GRM5: variants seen among roughly 807,000 people sequenced by gnomAD.
GRM5 encodes the protein metabotropic glutamate receptor 5.
In GRM5, 19 loss-of-function variants were observed where a neutral mutation model predicts 83.1. The observed-to-expected ratio is 0.23, with a 90% CI of 0.16 to 0.34. The LOEUF (loss-of-function observed/expected upper bound fraction) is 0.34, where lower values mean the gene tolerates loss of function less well. GRM5 is among the 10% of genes least tolerant of loss of function. The pLI is 1.00. For synonymous variants in GRM5, 675 were observed against 633.6 expected (o/e 1.07, Z -0.98); for missense variants, 1,160 against 1,588.3 (o/e 0.73, Z 4.58).
chr11:88,636,274 G>T (rs150841699), intron 4 of GRM5, among the ~76,000 whole-genome samples: 3 of 152,326 alleles, frequency 2.0e-5, no homozygotes, highest in African/African-American at 7.2e-5. Flanking sequence ...CACTTTGGGA[G>T]GCCAAGGTGG....
At chr11:88,570,787 G>C (rs177824) in intron 7 of GRM5, among the ~76,000 whole-genome samples, 1 of 150,668 alleles carries the variant, frequency 6.6e-6, no homozygotes, top group Admixed American at 6.6e-5. Flanking sequence ...CAGGCTGGTC[G>C]AACTCCTTGC....
intron 3 of GRM5, among the ~76,000 whole-genome samples, chr11:88,803,717 G>C (rs1943444207): frequency 6.6e-6 from 1 of 152,060 alleles, no homozygotes; most frequent in African/African-American, 2.4e-5. Context: ...CTTCTACACA[G>C]CAAAAGAAAC....
chr11:88,688,165 G>T (rs1359918904), intron 3 of GRM5, among the ~76,000 whole-genome samples: 1 of 152,108 alleles, frequency 6.6e-6, no homozygotes, highest in Non-Finnish European at 1.5e-5. Context: ...GCTCTATAAA[G>T]ATCTTCCCTC....
chr11:88,562,165 C>T (rs957028710), intron 8 of GRM5, among the ~76,000 whole-genome samples: 3 of 152,074 alleles, frequency 2.0e-5, no homozygotes, highest in African/African-American at 7.2e-5. Context: ...AAAGAGTTAA[C>T]AAATAGATGA....
At chr11:88,671,795 A>G (rs573496091) in intron 3 of GRM5, among the ~76,000 whole-genome samples, 1 of 152,214 alleles carries the variant, frequency 6.6e-6, no homozygotes, top group African/African-American at 2.4e-5. Flanking sequence ...GCAAGCTGGA[A>G]CGTTGGGACC....
At chr11:88,755,137 T>C (rs1050337450) in intron 3 of GRM5, among the ~76,000 whole-genome samples, 1 of 152,050 alleles carries the variant, frequency 6.6e-6, no homozygotes, top group Non-Finnish European at 1.5e-5. Context: ...CTGAAGCAAA[T>C]GTGTATTTAG....
chr11:88,838,439 G>A (rs12802941), intron 3 of GRM5, among the ~76,000 whole-genome samples: 1 of 152,118 alleles, frequency 6.6e-6, no homozygotes, highest in Non-Finnish European at 1.5e-5. Context: ...TTGTCCTTCT[G>A]AAAGCTACCT....
intron 2 of GRM5, among the ~76,000 whole-genome samples, chr11:88,999,091 G>T (rs1214911938): frequency 5.3e-5 from 8 of 152,100 alleles, no homozygotes; most frequent in Admixed American, 2.6e-4. Context: ...ATCAATTCAA[G>T]ACGGATTAAA....
At chr11:88,952,105 AC>A (rs1469263666) in intron 2 of GRM5, among the ~76,000 whole-genome samples, 13 of 128,130 alleles carry the variant, frequency 1.0e-4, no homozygotes, top group Non-Finnish European at 1.0e-4. Context: ...GCTCTCTTCC[AC>A]CATGTGCACA....
intron 3 of GRM5, among the ~76,000 whole-genome samples, chr11:88,793,432 A>G (rs1454431462): frequency 6.6e-6 from 1 of 152,194 alleles, no homozygotes; most frequent in Non-Finnish European, 1.5e-5. Context: ...GTTTAAAAAC[A>G]TGGGAATAAC....
chr11:89,018,610 T>G (rs1940912964), intron 2 of GRM5, among the ~76,000 whole-genome samples: 1 of 152,148 alleles, frequency 6.6e-6, no homozygotes, highest in Non-Finnish European at 1.5e-5. Flanking sequence ...AGACCTGTCC[T>G]TGAAGAACAT....
chr11:88,925,255 C>T (rs1945766516), intron 2 of GRM5, among the ~76,000 whole-genome samples: 1 of 151,970 alleles, frequency 6.6e-6, no homozygotes, highest in Admixed American at 6.6e-5. Flanking sequence ...GATTTTAGTG[C>T]CCAAGAAAAG....
Position 88,567,217 on chromosome 11 carries a change from C to T in GRM5, c.2466G>A (p.Val822=), listed in dbSNP as rs780191520. 1 of 1,614,098 alleles carries T rather than the reference C, an allele frequency of 6.2e-7. No homozygotes were observed. The highest frequency in any genetic ancestry group is 2.2e-5 in the East Asian group (1 of 44,866). ...VALGCMFVPK[V]YIILAKPERN... ...TCTCTGGTTTGGCCAGGATGATGTA[C>T]ACCTTCGGCACAAACATGCAGCCTA... The change falls in exon 8 of 10, where the codon GTG becomes GTA. Residue 822 remains valine, a synonymous_variant. Coordinates refer to ENST00000305447, the MANE Select transcript of GRM5 (RefSeq NM_001143831.3). The surrounding 1 kb of genome is among the most constrained non-coding windows in gnomAD (Gnocchi z 7.3).
At chr11:88,624,147 T>C (rs1938720222) in intron 4 of GRM5, among the ~76,000 whole-genome samples, 1 of 152,162 alleles carries the variant, frequency 6.6e-6, no homozygotes, top group Non-Finnish European at 1.5e-5. Flanking sequence ...CAACTTTATA[T>C]CAAAGTAGAA....
intron 4 of GRM5, among the ~76,000 whole-genome samples, chr11:88,643,817 G>C (rs1463286809): frequency 6.6e-6 from 1 of 151,990 alleles, no homozygotes; most frequent in Non-Finnish European, 1.5e-5. Context: ...CAAGTGTTCT[G>C]AGCTATGGCT....
chr11:88,592,669 CTT>C (rs1937668312), intron 6 of GRM5, among the ~76,000 whole-genome samples: 1 of 152,170 alleles, frequency 6.6e-6, no homozygotes, highest in Non-Finnish European at 1.5e-5. Context: ...ATAGTGATAA[CTT>C]AATATGTTTT....
At chr11:88,609,487 T>C (rs1049575527) in intron 4 of GRM5, among the ~76,000 whole-genome samples, 6 of 152,150 alleles carry the variant, frequency 3.9e-5, no homozygotes, top group African/African-American at 7.2e-5. Flanking sequence ...TATAAAGGGA[T>C]GTGTCTTTTT....
At chr11:88,807,835 G>T in intron 3 of GRM5, among the ~76,000 whole-genome samples, 1 of 151,984 alleles carries the variant, frequency 6.6e-6, no homozygotes, top group East Asian at 1.9e-4. Flanking sequence ...AATGTGCTAA[G>T]AGAAACTGAG....
intron 3 of GRM5, among the ~76,000 whole-genome samples, chr11:88,705,343 A>G (rs1222782631): frequency 6.6e-6 from 1 of 152,098 alleles, no homozygotes; most frequent in African/African-American, 2.4e-5. Context: ...AGAGATTTTA[A>G]TGGCAGCCAG....
Sources: allele counts gnomAD v4.1 joint callset (sites outside exome capture counted in the v4.1 genomes callset), GRCh38; gene constraint gnomAD v4.1.1; non-coding constraint Gnocchi (gnomAD v3.1); transcripts MANE v1.5; gene names NCBI Gene and HGNC (gene_info 2026-07-23, HGNC 2026-07-21).